The following WIZ variants were observed in gnomAD, a reference collection of about 807,000 sequenced individuals.
WIZ encodes the protein WIZ zinc finger, also known as protein Wiz.
Under a neutral mutation model 140.2 loss-of-function variants are expected in WIZ, and 25 were observed. The observed-to-expected ratio is 0.18, with a 90% CI of 0.13 to 0.25. WIZ has a LOEUF of 0.25. Among genes scored for constraint, WIZ ranks in the 10% least tolerant of loss-of-function variants. WIZ has a pLI of 1.00. For synonymous variants in WIZ, 1,125 were observed against 1,154.3 expected, an observed-to-expected ratio of 0.97 and a Z score of 0.51; for missense variants, 2,231 against 2,632.6, an observed-to-expected ratio of 0.85 and a Z score of 3.34.
chr19:15,420,096 T>G lies in WIZ; in HGVS notation c.*2980A>C, dbSNP rs1342469762. On this transcript the variant is annotated 3_prime_UTR_variant, in exon 13 of 13. Transcript: ENST00000673675. ...CATACTGAAATACTAAGAAGTTAAC[T>G]GATCTTATGGCCAGGATGTGCTTCA... The G allele has an allele frequency of 6.6e-6, 1 of 152,218 alleles. No homozygotes were observed. Among genetic ancestry groups the G allele is most frequent in the Non-Finnish European group, 1.5e-5 (1 of 68,040 alleles). The allele number at this position is 152,218 out of a possible 1,614,324, so 9.4% of individuals were successfully genotyped here. A position where few individuals can be genotyped will look rare whatever the true frequency, so the allele number is the denominator to read the frequency against.
At chr19:15,441,836 T>A (rs1191447238) in intron 3 of WIZ, among the ~76,000 whole-genome samples, 2 of 152,156 alleles carry the variant, frequency 1.3e-5, no homozygotes, top group Non-Finnish European at 2.9e-5. Context: ...GCAGCTATTA[T>A]TAATTAATTA....
At position 15,425,449 on chromosome 19, in the gene WIZ, A is replaced by C; in HGVS notation, c.4686T>G (p.Gly1562=). 6.3e-7 allele frequency: 1 copy of C among 1,581,662 alleles called. No homozygotes were observed. The change falls in exon 10 of 13, where the codon GGT becomes GGG. Residue 1562 remains glycine (G), a synonymous_variant. Coordinates refer to ENST00000673675, the MANE Select transcript of WIZ (RefSeq NM_001371589.1). ...CACGAGGAACCTGGGCCGGCCCTGC[A>C]CCTGGTTTGCCTGGCCGGCCAGCCA... ...SPLAGRPGKP[G]AGPAQVPREL...
intron 7 of WIZ, 66 bp downstream of exon 7, chr19:15,429,507 TCCCTGGGCTACAG>T (rs890132587): frequency 1.3e-6 from 1 of 789,980 alleles, no homozygotes; most frequent in African/African-American, 1.8e-5. Flanking sequence ...CTGGGCCCTG[TCCCTGGGCTACAG>T]CCCAACCTGA....
chr19:15,433,134 C>A, intron 5 of WIZ: 1 of 607,258 alleles, frequency 1.6e-6, no homozygotes, highest in Non-Finnish European at 2.1e-6. Flanking sequence ...CGGAAAGTCT[C>A]CATCTCCGAG....
rs1969539808 is a variant in WIZ at position 15,436,950 on chromosome 19, C to T, written c.2596G>A (p.Ala866Thr). The T allele has an allele frequency of 6.2e-7, 1 of 1,613,490 alleles. No homozygotes were observed. The highest frequency in any genetic ancestry group is 1.7e-5 in the Admixed American group (1 of 59,942). ...AGGGGGCTGGGGGGCTGCTCAGCAG[C>T]AGAGGTGGCCAGCAGCTCCTGCAGG... ...NILQELLATS[A>T]AEQPPSPLGR... The change falls in exon 5 of 13, where the codon GCT becomes ACT. Residue 866 changes from alanine to threonine, a missense_variant. Coordinates refer to ENST00000673675, the MANE Select transcript of WIZ (RefSeq NM_001371589.1).
rs1160662331 is a variant in WIZ at position 15,440,667 on chromosome 19, G to A, written c.327C>T (p.Pro109=). ...TACCTGGGAAATGGCCCAGGAGATG[G>A]GGTGGTGGGGAGCCCGGCCGGAAGT... The part of the protein sequence containing the change: ...SLDFRPGSPP[P]HLLGHFPGTP... The change falls in exon 4 of 13, where the codon CCC becomes CCT. Residue 109 remains proline (P), a synonymous_variant. Transcript: ENST00000673675. This position sits in a 1 kb window ranked among gnomAD's most constrained non-coding sequence, Gnocchi z 6.2. 9.2e-6 allele frequency: 14 copies of A among 1,519,750 alleles called. No individual in the cohort carries two copies. The highest frequency in any genetic ancestry group is 2.0e-5 in the Admixed American group (1 of 49,662). 94.1% of individuals were successfully genotyped at this position (1,519,750 alleles called of 1,614,324 possible).
At chr19:15,426,848 G>A (rs779756341) in intron 9 of WIZ, 134 bp downstream of exon 9, 7 of 1,063,718 alleles carry the variant, frequency 6.6e-6, no homozygotes, top group Non-Finnish European at 9.4e-6. Flanking sequence ...GGAATACACA[G>A]CTAACCCTGT....
intron 5 of WIZ, chr19:15,433,222 A>G (rs1969382188): frequency 1.0e-6 from 1 of 983,258 alleles, no homozygotes; most frequent in Non-Finnish European, 1.2e-6. Flanking sequence ...CCGTCCCCCG[A>G]CGGTGCCGTT....
Position 15,436,983 on chromosome 19 carries a change from T to C in WIZ, c.2563A>G (p.Ile855Val). 6.2e-7 allele frequency: 1 copy of C among 1,613,712 alleles called. No individual in the cohort carries two copies. Among genetic ancestry groups the C allele is most frequent in the African/African-American group, 1.3e-5 (1 of 75,036 alleles). Reference sequence around the variant, plus strand: ...GCCAGCAGCTCCTGCAGGATGTTGATGGGTGAGACAGTGAGCTCCCAGTTG... The same window carrying C: ...GCCAGCAGCTCCTGCAGGATGTTGACGGGTGAGACAGTGAGCTCCCAGTTG... ...ITNWELTVSP[I>V]NILQELLATS... Residue 855 changes from isoleucine (I) to valine (V), a missense_variant, in exon 5 of 13, where the codon ATC becomes GTC. Coordinates refer to ENST00000673675, the MANE Select transcript of WIZ (RefSeq NM_001371589.1).
chr19:15,432,643 G>C, intron 5 of WIZ: 1 of 150,034 alleles, frequency 6.7e-6, no homozygotes, highest in Non-Finnish European at 1.4e-5. Flanking sequence ...CCCCGCGCGC[G>C]GCCCCGCCGC....
At position 15,424,424 on chromosome 19, in the gene WIZ, T is replaced by C; in HGVS notation, c.5315-46A>G. On this transcript the variant is annotated intron_variant, in intron 11 of 12. Coordinates refer to ENST00000673675, the MANE Select transcript of WIZ (RefSeq NM_001371589.1). The surrounding 1 kb of genome is among the most constrained non-coding windows in gnomAD (Gnocchi z 9.7). ...GGAGATGAGTGGGAGGGGTGGATGC[T>C]GCAGAGACTTGGAATACACAAGAGC... 7 of 1,580,632 alleles carry C rather than the reference T, an allele frequency of 4.4e-6. No homozygotes were observed. The highest frequency in any genetic ancestry group is 6.0e-6 in the Non-Finnish European group (7 of 1,167,420).
chr19:15,432,233 A>G (rs962789345), intron 5 of WIZ, among the ~76,000 whole-genome samples: 1 of 151,492 alleles, frequency 6.6e-6, no homozygotes, highest in Non-Finnish European at 1.5e-5. Context: ...GACGGGGCAA[A>G]GGTCTCGAGG....
rs1969695475 is a variant in WIZ, at chr19:15,440,409, G to A, written c.585C>T (p.Ser195=). ...DWLQDEDEQG[S]PQDAGLHLDL... ...CCAAGTGCAGCCCTGCGTCCTGGGG[G>A]GATCCCTGCTCGTCCTCATCTTGGA... The change falls in exon 4 of 13, where the codon TCC becomes TCT. Residue 195 remains serine, a synonymous_variant. Coordinates refer to ENST00000673675, the MANE Select transcript of WIZ (RefSeq NM_001371589.1). The surrounding 1 kb of genome is among the most constrained non-coding windows in gnomAD (Gnocchi z 6.2). 6.5e-7 allele frequency: 1 copy of A among 1,535,696 alleles called. No individual in the cohort carries two copies. The highest frequency in any genetic ancestry group is 2.0e-5 in the Admixed American group (1 of 50,968).
At chr19:15,446,278 C>T (rs762650987) in intron 2 of WIZ, among the ~76,000 whole-genome samples, 6 of 152,072 alleles carry the variant, frequency 3.9e-5, no homozygotes, top group Non-Finnish European at 8.8e-5. Flanking sequence ...GGGGCATCTG[C>T]GAGGTAGAGA....
Position 15,422,993 on chromosome 19 carries a change from G to C in WIZ, c.*83C>G. The C allele has an allele frequency of 6.5e-7, 1 of 1,537,748 alleles. No individual in the cohort carries two copies. The highest frequency in any genetic ancestry group is 8.8e-7 in the Non-Finnish European group (1 of 1,142,750). On this transcript the variant is annotated 3_prime_UTR_variant, in exon 13 of 13. Transcript: ENST00000673675. ...TGGCTTGCTCCTTTGGAAACGGAAA[G>C]AAAGAGGAAGAGGGACAAGGACACA... is the stretch of plus-strand genomic sequence containing the variant.
Position 15,425,544 on chromosome 19 carries a change from C to A in WIZ, c.4591G>T (p.Ala1531Ser). The A allele has an allele frequency of 6.2e-7, 1 of 1,612,372 alleles. No individual in the cohort carries two copies. The highest frequency in any genetic ancestry group is 1.3e-5 in the African/African-American group (1 of 74,992). The change falls in exon 10 of 13, where the codon GCC becomes TCC. Residue 1531 changes from alanine to serine, a missense_variant. Ala to Ser is a moderately conservative substitution (Grantham distance 99). Coordinates refer to ENST00000673675, the MANE Select transcript of WIZ (RefSeq NM_001371589.1). ...KEPPAGDLAP[A>S]LAEDGPPTVA... is the part of the protein sequence containing the mutation. ...GTGGGAGGCCCGTCCTCAGCCAGGG[C>A]AGGGGCCAGGTCTCCAGCCGGTGGC... is the stretch of plus-strand genomic sequence containing the variant.
chr19:15,431,410 T>G (rs1308771567), intron 5 of WIZ, among the ~76,000 whole-genome samples: 1 of 152,180 alleles, frequency 6.6e-6, no homozygotes, highest in Non-Finnish European at 1.5e-5. Context: ...CACTACAGCA[T>G]GGACAGGTCT....
In WIZ at chr19:15,440,374, G is replaced by T. The variant is rs1969692859; in HGVS notation, c.620C>A (p.Ala207Asp). ...GAAGGGGGCGAGGGGTGGCGGCTGG[G>T]CAGGCAGGTCCAAGTGCAGCCCTGC... ...QDAGLHLDLP[A>D]QPPPLAPFRR... is the part of the protein sequence containing the mutation. Residue 207 changes from alanine (A) to aspartate (D), a missense_variant, in exon 4 of 13, where the codon GCC (alanine) becomes GAC (aspartate). This residue lies in a region of WIZ where 307 missense variants were observed against 294.1 expected (regional missense o/e 1.04). Coordinates refer to ENST00000673675, the MANE Select transcript of WIZ (RefSeq NM_001371589.1). The surrounding 1 kb of genome is among the most constrained non-coding windows in gnomAD (Gnocchi z 6.2). The T allele has an allele frequency of 6.5e-7, 1 of 1,531,990 alleles. No homozygotes were observed. The highest frequency in any genetic ancestry group is 2.5e-5 in the East Asian group (1 of 40,782). 94.9% of individuals were successfully genotyped at this position (1,531,990 alleles called of 1,614,324 possible).
Position 15,428,007 on chromosome 19 carries a change from C to CCCT in WIZ, c.3814+100_3814+102dup. 6.9e-7 allele frequency: 1 copy of CCCT among 1,452,168 alleles called. No homozygotes were observed. The highest frequency in any genetic ancestry group is 9.1e-7 in the Non-Finnish European group (1 of 1,103,002). 90.0% of individuals were successfully genotyped at this position (1,452,168 alleles called of 1,614,324 possible). A position where few individuals can be genotyped will look rare whatever the true frequency, so the allele number is the denominator to read the frequency against. ...GCAGAACCGGCCCACTGCCAAGGGC[C>CCCT]CCTGTCTACTCCCTGCCCCAGCAGG... On this transcript the variant is annotated intron_variant, in intron 8 of 12. Transcript: ENST00000673675. The surrounding 1 kb of genome is among the most constrained non-coding windows in gnomAD (Gnocchi z 6.4).
Sources: allele counts gnomAD v4.1 joint callset (sites outside exome capture counted in the v4.1 genomes callset), GRCh38; gene constraint gnomAD v4.1.1; regional missense constraint gnomAD v4.1.1; non-coding constraint Gnocchi (gnomAD v3.1); transcripts MANE v1.5; gene names NCBI Gene and HGNC (gene_info 2026-07-23, HGNC 2026-07-21).